Variants in DIS3L2 observed in about 807,000 individuals in gnomAD.
DIS3L2 encodes the protein DIS3 like 3'-5' exoribonuclease 2, also known as DIS3-like exonuclease 2.
DIS3L2 carries 34 observed loss-of-function variants against 97.5 expected under a neutral mutation model. That is an observed-to-expected ratio of 0.35 (90% confidence interval 0.27 to 0.46). DIS3L2 has a LOEUF of 0.46. DIS3L2 is among the 20% of genes least tolerant of loss of function. The pLI, the probability that DIS3L2 is intolerant of heterozygous loss-of-function variation, is 1.00. For synonymous variants in DIS3L2, 435 were observed against 445.2 expected (o/e 0.98, Z 0.29); for missense variants, 1,038 against 1,146.0 (o/e 0.91, Z 1.36).
intron 13 of DIS3L2, among the ~76,000 whole-genome samples, chr2:232,296,173 T>C (rs1369911654): frequency 6.6e-6 from 1 of 152,222 alleles, no homozygotes; most frequent in Non-Finnish European, 1.5e-5. Context: ...AGCAATAGCA[T>C]CTGCCCTGCA....
intron 3 of DIS3L2, among the ~76,000 whole-genome samples, chr2:232,021,998 A>G (rs1298915018): frequency 6.6e-6 from 1 of 152,204 alleles, no homozygotes; most frequent in East Asian, 1.9e-4. Flanking sequence ...CTTTAGGAAG[A>G]AGACAGGAGA....
intron 6 of DIS3L2, among the ~76,000 whole-genome samples, chr2:232,104,590 A>G (rs1434725705): frequency 1.3e-5 from 2 of 151,922 alleles, no homozygotes; most frequent in East Asian, 3.9e-4. Context: ...TTCTCCCCCA[A>G]CCCCTGATAA....
rs578133494 is a variant in DIS3L2 at position 232,267,637 on chromosome 2, T to C, written c.1659+4197T>C. On this transcript the variant is annotated intron_variant, in intron 13 of 20. Coordinates refer to ENST00000325385, the MANE Select transcript of DIS3L2 (RefSeq NM_152383.5). ...TAAAAGGAATCATAATGCTTTATAATCATATCCAAATCTTGAGCTTTGGGA... is the reference window on the plus strand; with the variant it reads ...TAAAAGGAATCATAATGCTTTATAACCATATCCAAATCTTGAGCTTTGGGA... 9.8e-5 allele frequency among the ~76,000 whole-genome samples: 15 copies of C among 152,338 alleles called. No homozygotes were observed. In the South Asian group the frequency reaches 3.1e-3, roughly 32 times the overall value.
chr2:232,263,210 C>T lies in DIS3L2; in HGVS notation c.1429C>T (p.Leu477Phe), dbSNP rs1060503031. 6.2e-7 allele frequency: 1 copy of T among 1,614,160 alleles called. No individual in the cohort carries two copies. The highest frequency in any genetic ancestry group is 1.7e-5 in the Admixed American group (1 of 60,024). Reference sequence around the variant, plus strand: ...TGTAATCTGTCCATCTTTGCAGATCCTTGATGAATGGTTTGGCCGGACCAT... The same window carrying T: ...TGTAATCTGTCCATCTTTGCAGATCTTTGATGAATGGTTTGGCCGGACCAT... ...IWTLTPEGKILDEWFGRTIIR... is the reference protein window; with the variant it reads ...IWTLTPEGKIFDEWFGRTIIR... The change falls in exon 13 of 21, where the codon CTT becomes TTT. Residue 477 changes from leucine (L) to phenylalanine (F), a missense_variant. Physicochemically the swap from Leu to Phe is conservative, Grantham distance 22 (BLOSUM62 0). Coordinates refer to ENST00000325385, the MANE Select transcript of DIS3L2 (RefSeq NM_152383.5).
chr2:232,263,540 T>A, intron 13 of DIS3L2, 100 bp downstream of exon 13: 1 of 1,180,348 alleles, frequency 8.5e-7, no homozygotes, highest in Non-Finnish European at 1.2e-6. Flanking sequence ...TCCTTCCTTC[T>A]CTTTGCTCCA....
Position 232,182,442 on chromosome 2 carries a change from T to G in DIS3L2, c.1124+18810T>G, listed in dbSNP as rs187435757. Among the ~76,000 whole-genome samples, 977 of 152,340 alleles carry G rather than the reference T, an allele frequency of 6.4e-3. 9 individuals carry two copies. The highest frequency in any genetic ancestry group is 0.012 in the Admixed American group (181 of 15,304). On this transcript the variant is annotated intron_variant, in intron 9 of 20. Transcript: ENST00000325385. ...TAGATATCTGTTAGATCTAATTGAT[T>G]TATAGTTTTGTTTAAGCTTTCTATT...
intron 5 of DIS3L2, among the ~76,000 whole-genome samples, chr2:232,030,491 C>T (rs573345390): frequency 1.3e-5 from 2 of 152,320 alleles, no homozygotes; most frequent in African/African-American, 2.4e-5. Flanking sequence ...CCAGGCAATA[C>T]ATGTGGAGTT....
intron 5 of DIS3L2, among the ~76,000 whole-genome samples, chr2:232,052,960 T>G (rs1695450566): frequency 6.6e-6 from 1 of 152,260 alleles, no homozygotes; most frequent in South Asian, 2.1e-4. Context: ...CCGTTTGTTG[T>G]TGAGTACCTG....
chr2:232,245,430 C>A (rs1693222142), intron 11 of DIS3L2, among the ~76,000 whole-genome samples: 2 of 152,218 alleles, frequency 1.3e-5, no homozygotes, highest in South Asian at 4.1e-4. Flanking sequence ...AGCACATTCA[C>A]AGTGACCCTG....
intron 6 of DIS3L2, among the ~76,000 whole-genome samples, chr2:232,124,859 C>G (rs1698009873): frequency 1.3e-5 from 2 of 152,170 alleles, no homozygotes; most frequent in African/African-American, 4.8e-5. Context: ...ACTAGACTGA[C>G]CAGGATAACC....
intron 1 of DIS3L2, among the ~76,000 whole-genome samples, chr2:232,001,511 T>A (rs1158059440): frequency 6.6e-6 from 1 of 151,670 alleles, no homozygotes; most frequent in Non-Finnish European, 1.5e-5. Context: ...GCTCTGTTGA[T>A]TTTTTGCTTA....
At chr2:231,981,601 TATATATA>T (rs1559512400) in intron 1 of DIS3L2, among the ~76,000 whole-genome samples, 11 of 69,180 alleles carry the variant, frequency 1.6e-4, no homozygotes, top group African/African-American at 5.1e-4. Context: ...AAGTATTTTA[TATATATA>T]TATATATATA....
At chr2:231,997,832 G>A (rs1442266286) in intron 1 of DIS3L2, among the ~76,000 whole-genome samples, 2 of 152,034 alleles carry the variant, frequency 1.3e-5, no homozygotes, top group African/African-American at 2.4e-5. Context: ...GACACTCAAA[G>A]CCATCCTCTT....
At chr2:231,981,400 T>C (rs1195460647) in intron 1 of DIS3L2, among the ~76,000 whole-genome samples, 1 of 151,662 alleles carries the variant, frequency 6.6e-6, no homozygotes. Flanking sequence ...ATAATATAAT[T>C]TGTGAGTATG....
chr2:231,997,330 T>A (rs1559526406), intron 1 of DIS3L2, among the ~76,000 whole-genome samples: 1 of 152,232 alleles, frequency 6.6e-6, no homozygotes, highest in Non-Finnish European at 1.5e-5. Flanking sequence ...ATCTTTTAAA[T>A]CCTCAAAATA....
At chr2:231,994,174 T>G (rs2106194801) in intron 1 of DIS3L2, among the ~76,000 whole-genome samples, 1 of 152,046 alleles carries the variant, frequency 6.6e-6, no homozygotes, top group South Asian at 2.1e-4. Flanking sequence ...TTTGCACTTG[T>G]GTCTGAAATC....
At chr2:232,056,988 A>G (rs764609333) in intron 5 of DIS3L2, among the ~76,000 whole-genome samples, 8 of 152,210 alleles carry the variant, frequency 5.3e-5, no homozygotes, top group Non-Finnish European at 8.8e-5. Flanking sequence ...GGAATATTAT[A>G]TAAAATAGCC....
intron 6 of DIS3L2, among the ~76,000 whole-genome samples, chr2:232,128,451 ATTTTTTTTTT>A (rs10682281): frequency 2.6e-4 from 19 of 71,698 alleles, no homozygotes; most frequent in Admixed American, 6.5e-4. Flanking sequence ...AACTTTGCTA[ATTTTTTTTTT>A]TTTTTTTTTT....
intron 13 of DIS3L2, among the ~76,000 whole-genome samples, chr2:232,279,464 T>G (rs1694225960): frequency 6.6e-6 from 1 of 152,182 alleles, no homozygotes; most frequent in African/African-American, 2.4e-5. Flanking sequence ...TTAATTGGGT[T>G]GTTTGGTTTC....
Sources: gnomAD v4.1 joint callset for allele counts (sites outside exome capture counted in the v4.1 genomes callset) on GRCh38, gnomAD v4.1.1 for gene constraint, MANE v1.5 for transcripts, NCBI Gene and HGNC (gene_info 2026-07-23, HGNC 2026-07-21) for gene names.